Variants in HECTD4 observed in about 807,000 individuals in gnomAD.
HECTD4 encodes the protein HECT domain E3 ubiquitin protein ligase 4.
HECTD4 carries 114 observed loss-of-function variants against 471.5 expected under a neutral mutation model. The observed-to-expected ratio is 0.24, with a 90% CI of 0.21 to 0.28. HECTD4 has a LOEUF of 0.28. HECTD4 is among the 10% of genes least tolerant of loss of function. HECTD4 has a pLI of 1.00. For missense variants in HECTD4, 3,866 were observed against 5,651.5 expected, an observed-to-expected ratio of 0.68 and a Z score of 10.13; for synonymous variants, 2,012 against 2,256.0, an observed-to-expected ratio of 0.89 and a Z score of 3.07.
chr12:112,320,626 G>A (rs999778287), intron 1 of HECTD4, among the ~76,000 whole-genome samples: 3 of 151,684 alleles, frequency 2.0e-5, no homozygotes, highest in African/African-American at 4.8e-5. Flanking sequence ...GCTCGAACCC[G>A]GGAGGTAGAG....
intron 7 of HECTD4, among the ~76,000 whole-genome samples, chr12:112,297,758 C>G (rs2035072856): frequency 6.6e-6 from 1 of 152,130 alleles, no homozygotes; most frequent in South Asian, 2.1e-4. Flanking sequence ...TACAAGCAAA[C>G]AGCCACATCA....
chr12:112,170,494 C>G (rs1270302681), intron 68 of HECTD4, 42 bp from the exon 69 acceptor site: 1 of 1,603,176 alleles, frequency 6.2e-7, no homozygotes, highest in Admixed American at 1.7e-5. Context: ...GGGGCTTTGT[C>G]CCTTCCTTCC....
At chr12:112,211,379 T>C (rs535078013) in intron 49 of HECTD4, among the ~76,000 whole-genome samples, 2 of 152,092 alleles carry the variant, frequency 1.3e-5, no homozygotes, top group African/African-American at 2.4e-5. Context: ...ACACCTGGCA[T>C]CTTGTAAGTC....
chr12:112,256,838 C>A, intron 20 of HECTD4: 1 of 162,532 alleles, frequency 6.2e-6, no homozygotes, highest in Admixed American at 6.6e-5. Context: ...AAGACCTGAT[C>A]AATTCTCATT....
At chr12:112,266,101 G>A (rs191994072) in intron 14 of HECTD4, 118 bp from the exon 15 acceptor site, 249 of 655,716 alleles carry the variant, frequency 3.8e-4, no homozygotes, top group East Asian at 3.6e-3. Context: ...CCAGACATAC[G>A]GACTTATACA....
At chr12:112,214,440 G>A (rs2032854783) in intron 48 of HECTD4, among the ~76,000 whole-genome samples, 1 of 152,196 alleles carries the variant, frequency 6.6e-6, no homozygotes, top group Admixed American at 6.5e-5. Flanking sequence ...GGCATCCCCA[G>A]GGGCCAGAAG....
chr12:112,363,892 C>T (rs1191825872), intron 1 of HECTD4, among the ~76,000 whole-genome samples: 1 of 146,286 alleles, frequency 6.8e-6, no homozygotes, highest in East Asian at 2.1e-4. Flanking sequence ...AGGAGAATTG[C>T]TTGAACCTGG....
intron 23 of HECTD4, among the ~76,000 whole-genome samples, chr12:112,251,708 G>A (rs1333930324): frequency 6.6e-6 from 1 of 152,170 alleles, no homozygotes; most frequent in Non-Finnish European, 1.5e-5. Flanking sequence ...TCTAAAATAC[G>A]TTTTCGGAAT....
At chr12:112,295,030 G>A (rs373710101) in intron 7 of HECTD4, among the ~76,000 whole-genome samples, 112 of 152,020 alleles carry the variant, frequency 7.4e-4, no homozygotes, top group African/African-American at 2.5e-3. Flanking sequence ...ACCGGAGGGC[G>A]CAGTGGCTCA....
At chr12:112,255,441 T>C (rs1412169141) in intron 21 of HECTD4, among the ~76,000 whole-genome samples, 1 of 152,226 alleles carries the variant, frequency 6.6e-6, no homozygotes, top group African/African-American at 2.4e-5. Context: ...AAGAGGATTC[T>C]ATAACTTGCC....
chr12:112,192,542 A>T lies in HECTD4; in HGVS notation c.9292+18T>A. The T allele has an allele frequency of 6.6e-7, 1 of 1,513,042 alleles. No individual in the cohort carries two copies. Among genetic ancestry groups the T allele is most frequent in the Non-Finnish European group, 8.9e-7 (1 of 1,124,420 alleles). 93.7% of individuals were successfully genotyped at this position (1,513,042 alleles called of 1,614,324 possible). ...TGACTCCAGCTGTTCTCATCATGACAAGCTGCTGGAGACTCACCCAGTTTG... is the reference window on the plus strand; with the variant it reads ...TGACTCCAGCTGTTCTCATCATGACTAGCTGCTGGAGACTCACCCAGTTTG... On this transcript the variant is annotated intron_variant, in intron 59 of 75. Coordinates refer to ENST00000682272, the MANE Select transcript of HECTD4 (RefSeq NM_001388303.1).
At chr12:112,242,570 C>T (rs894739664) in intron 32 of HECTD4, among the ~76,000 whole-genome samples, 1 of 148,636 alleles carries the variant, frequency 6.7e-6, no homozygotes, top group Non-Finnish European at 1.5e-5. Context: ...GCCATGATCA[C>T]GTCATTGCAT....
At chr12:112,219,888 C>T (rs569352708) in intron 44 of HECTD4, among the ~76,000 whole-genome samples, 1 of 152,182 alleles carries the variant, frequency 6.6e-6, no homozygotes, top group Non-Finnish European at 1.5e-5. Flanking sequence ...GCTTGAGCCA[C>T]CGCGCCCAGC....
intron 1 of HECTD4, among the ~76,000 whole-genome samples, chr12:112,349,262 G>A (rs2036208646): frequency 6.6e-6 from 1 of 151,784 alleles, no homozygotes; most frequent in African/African-American, 2.4e-5. Flanking sequence ...GGTAACACAT[G>A]CCTATAGTCC....
intron 7 of HECTD4, among the ~76,000 whole-genome samples, chr12:112,300,089 T>TGG (rs1478297962): frequency 7.3e-5 from 11 of 151,122 alleles, no homozygotes; most frequent in Non-Finnish European, 1.5e-4. Context: ...GCCAAGGGGG[T>TGG]GGATCACTTG....
rs2033589671 is a variant in HECTD4 at position 112,239,524 on chromosome 12, A to G, written c.5106-288T>C. Among the ~76,000 whole-genome samples the G allele has an allele frequency of 6.6e-6, 1 of 152,252 alleles. No individual in the cohort carries two copies. Reference sequence around the variant, plus strand: ...ATGTATTTTGTCCTAAGGGGATTCAATGAATGCTTGACATCTTCAAATTAG... The same window carrying G: ...ATGTATTTTGTCCTAAGGGGATTCAGTGAATGCTTGACATCTTCAAATTAG... On this transcript the variant is annotated intron_variant, in intron 33 of 75. Transcript: ENST00000682272. The surrounding 1 kb of genome is among the most constrained non-coding windows in gnomAD (Gnocchi z 4.9).
chr12:112,323,966 CT>C (rs149847671), intron 1 of HECTD4, among the ~76,000 whole-genome samples: 5 of 17,156 alleles, frequency 2.9e-4, no homozygotes, highest in Non-Finnish European at 4.6e-4. Flanking sequence ...TTCTTTCTTT[CT>C]TCCTTCCTTC....
intron 12 of HECTD4, 86 bp from the exon 13 acceptor site, chr12:112,269,935 C>T (rs951008403): frequency 3.8e-5 from 45 of 1,169,238 alleles, no homozygotes; most frequent in Non-Finnish European, 5.3e-5. Context: ...TGGTAGATAT[C>T]CTATGAACAA....
Position 112,228,742 on chromosome 12 carries a change from T to C in HECTD4, c.6589A>G (p.Thr2197Ala), listed in dbSNP as rs2033302694. 6.2e-7 allele frequency: 1 copy of C among 1,613,758 alleles called. No individual in the cohort carries two copies. The highest frequency in any genetic ancestry group is 8.5e-7 in the Non-Finnish European group (1 of 1,179,814). The change falls in exon 42 of 76, where the codon ACA (threonine) becomes GCA (alanine). Residue 2197 changes from threonine to alanine, a missense_variant. Physicochemically the swap from Thr to Ala is moderately conservative, Grantham distance 58 (BLOSUM62 0). Around this residue, in one of 16 missense-constraint regions of HECTD4, gnomAD observed 617 missense variants for 915.1 expected, o/e 0.67. Coordinates refer to ENST00000682272, the MANE Select transcript of HECTD4 (RefSeq NM_001388303.1). The surrounding 1 kb of genome is among the most constrained non-coding windows in gnomAD (Gnocchi z 4.9). The part of the protein sequence containing the change: ...ASINEQEGIA[T>A]VRFPPIDCRK... ...CAGTCTATGGGTGGGAATCTGACTG[T>C]AGCTATACCTTCCTGTTCATTGATA... is the stretch of plus-strand genomic sequence containing the variant.
Sources: allele counts gnomAD v4.1 joint callset (sites outside exome capture counted in the v4.1 genomes callset), GRCh38; gene constraint gnomAD v4.1.1; regional missense constraint gnomAD v4.1.1; non-coding constraint Gnocchi (gnomAD v3.1); transcripts MANE v1.5; gene names NCBI Gene and HGNC (gene_info 2026-07-23, HGNC 2026-07-21).